KCNH8: variants seen among roughly 807,000 people sequenced by gnomAD.
The protein encoded by KCNH8 is potassium voltage-gated channel subfamily H member 8.
KCNH8 carries 70 observed loss-of-function variants against 103.6 expected under a neutral mutation model. The observed-to-expected ratio is 0.68, with a 90% CI of 0.56 to 0.82. KCNH8 has a LOEUF of 0.82. Among genes scored for constraint, KCNH8 ranks in the 40% least tolerant of loss-of-function variants. The pLI, the probability that KCNH8 is intolerant of heterozygous loss-of-function variation, is 0.00. For synonymous variants in KCNH8, 498 were observed against 489.4 expected, an observed-to-expected ratio of 1.02 and a Z score of -0.23; for missense variants, 1,217 against 1,329.9, an observed-to-expected ratio of 0.92 and a Z score of 1.32.
chr3:19,410,084 G>C (rs541169476), intron 7 of KCNH8, among the ~76,000 whole-genome samples: 39 of 151,968 alleles, frequency 2.6e-4, no homozygotes, highest in African/African-American at 8.7e-4. Flanking sequence ...TTCTCATCTG[G>C]ACATCTGGAC....
At chr3:19,392,526 A>C (rs2125132176) in intron 6 of KCNH8, among the ~76,000 whole-genome samples, 1 of 152,040 alleles carries the variant, frequency 6.6e-6, no homozygotes, top group Middle Eastern at 3.4e-3. Context: ...TCTCAGGAAA[A>C]CATAAGTTAT....
intron 5 of KCNH8, among the ~76,000 whole-genome samples, chr3:19,358,184 CCT>C (rs1168061708): frequency 2.0e-4 from 30 of 150,916 alleles, no homozygotes; most frequent in African/African-American, 6.8e-4. Context: ...TTCCTTCCTT[CCT>C]TCCTTCCTTC....
At chr3:19,258,947 C>CTCTCTCTATATATATA (rs1321918245) in intron 2 of KCNH8, among the ~76,000 whole-genome samples, 7 of 24,796 alleles carry the variant, frequency 2.8e-4, no homozygotes, top group East Asian at 1.0e-3. Context: ...CTCTCTCTCT[C>CTCTCTCTATATATATA]TATATATATA....
At chr3:19,419,874 A>T (rs545918307) in intron 7 of KCNH8, among the ~76,000 whole-genome samples, 3 of 152,238 alleles carry the variant, frequency 2.0e-5, no homozygotes, top group African/African-American at 7.2e-5. Flanking sequence ...GTAGCTTTCA[A>T]CATCTCTAAA....
rs531919821 is a variant in KCNH8 at position 19,459,298 on chromosome 3, G to A, written c.2040+2316G>A. Among the ~76,000 whole-genome samples the A allele has an allele frequency of 1.5e-4, 23 of 151,626 alleles. 1 individual carries two copies. The South Asian group carries it at 2.9e-3, about 19-fold the overall frequency. On this transcript the variant is annotated intron_variant, in intron 11 of 15. Transcript: ENST00000328405. ...TTTTTTTAAAATAGCCCTTCTAATA[G>A]GTGTGGTTTTAATTTGCATTTTCCT...
chr3:19,233,224 T>C (rs1575455327), intron 1 of KCNH8, among the ~76,000 whole-genome samples: 1 of 152,076 alleles, frequency 6.6e-6, no homozygotes, highest in Non-Finnish European at 1.5e-5. Context: ...CAATAGTAGG[T>C]GAGGGACTTT....
chr3:19,504,940 A>G lies in KCNH8; in HGVS notation c.2041-5423A>G, dbSNP rs143404541. Among the ~76,000 whole-genome samples, 1,500 of 151,822 alleles carry G rather than the reference A, an allele frequency of 9.9e-3. 21 individuals are homozygous for G. Among genetic ancestry groups the G allele is most frequent in the African/African-American group, 0.02 (816 of 41,358 alleles). Reference sequence around the variant, plus strand: ...GGAATCAATCTACAAGCCCACTGATAATAGACTAGATAAAAGAAAATGTGA... The same window carrying G: ...GGAATCAATCTACAAGCCCACTGATGATAGACTAGATAAAAGAAAATGTGA... On this transcript the variant is annotated intron_variant, in intron 11 of 15. Coordinates refer to ENST00000328405, the MANE Select transcript of KCNH8 (RefSeq NM_144633.3).
chr3:19,172,101 A>C (rs564126859), intron 1 of KCNH8, among the ~76,000 whole-genome samples: 1 of 152,228 alleles, frequency 6.6e-6, no homozygotes, highest in Non-Finnish European at 1.5e-5. Context: ...GTTACTTCAC[A>C]GTAATGGGAA....
intron 11 of KCNH8, among the ~76,000 whole-genome samples, chr3:19,462,945 T>C (rs1356163952): frequency 6.6e-6 from 1 of 152,116 alleles, no homozygotes; most frequent in East Asian, 1.9e-4. Flanking sequence ...TTGTCAAAGA[T>C]AGATGTGTGA....
Position 19,489,754 on chromosome 3 carries a change from G to A in KCNH8, c.2041-20609G>A, listed in dbSNP as rs1364242129. Among the ~76,000 whole-genome samples the A allele has an allele frequency of 2.6e-5, 4 of 151,884 alleles. 1 individual carries two copies. The highest frequency in any genetic ancestry group is 2.0e-4 in the Admixed American group (3 of 15,254). On this transcript the variant is annotated intron_variant, in intron 11 of 15. Coordinates refer to ENST00000328405, the MANE Select transcript of KCNH8 (RefSeq NM_144633.3). ...CACAAAACAAAGAACAGGTAAAGAGGGCACACACACACTTTTACAGTTTAC... is the reference window on the plus strand; with the variant it reads ...CACAAAACAAAGAACAGGTAAAGAGAGCACACACACACTTTTACAGTTTAC...
rs2063204666 is a variant in KCNH8, at chr3:19,158,704, A to G, written c.76+9909A>G. Among the ~76,000 whole-genome samples, 7 of 151,990 alleles carry G rather than the reference A, an allele frequency of 4.6e-5. No homozygotes were observed. The South Asian group carries it at 1.4e-3, about 31-fold the overall frequency. Reference sequence around the variant, plus strand: ...TCACTGTTTTGCTTTTTCTAATTCAATCATGTTTGTTTACTTGAAGGAAAT... The same window carrying G: ...TCACTGTTTTGCTTTTTCTAATTCAGTCATGTTTGTTTACTTGAAGGAAAT... On this transcript the variant is annotated intron_variant, in intron 1 of 15. Transcript: ENST00000328405.
intron 12 of KCNH8, among the ~76,000 whole-genome samples, chr3:19,512,360 A>G (rs1236097448): frequency 1.3e-5 from 2 of 152,156 alleles, no homozygotes; most frequent in Non-Finnish European, 2.9e-5. Context: ...AAGGCTTTTC[A>G]AAGGAAGCAG....
chr3:19,149,502 C>T (rs1362853534), intron 1 of KCNH8, among the ~76,000 whole-genome samples: 1 of 150,858 alleles, frequency 6.6e-6, no homozygotes, highest in East Asian at 1.9e-4. Context: ...ATTTAAGCTA[C>T]AGTAGGAAAA....
chr3:19,492,819 G>A lies in KCNH8; in HGVS notation c.2041-17544G>A, dbSNP rs559029637. Among the ~76,000 whole-genome samples, 6 of 145,412 alleles carry A rather than the reference G, an allele frequency of 4.1e-5. No individual in the cohort carries two copies. In the East Asian group the frequency reaches 1.2e-3, roughly 30 times the overall value. ...CTGATTCTTCTAGTCCTTGAGCATG[G>A]AATGTTTTTTCGTGTGTGTGTGTGT... On this transcript the variant is annotated intron_variant, in intron 11 of 15. Transcript: ENST00000328405.
At chr3:19,242,443 A>G (rs1202693229) in intron 1 of KCNH8, among the ~76,000 whole-genome samples, 2 of 152,180 alleles carry the variant, frequency 1.3e-5, no homozygotes, top group Non-Finnish European at 2.9e-5. Flanking sequence ...ATTGACCTTT[A>G]TGATCCTCTC....
intron 2 of KCNH8, among the ~76,000 whole-genome samples, chr3:19,276,602 T>G (rs965205579): frequency 1.3e-5 from 2 of 152,104 alleles, no homozygotes; most frequent in African/African-American, 4.8e-5. Flanking sequence ...ACAACTCAGT[T>G]TTCCTTATAC....
intron 11 of KCNH8, among the ~76,000 whole-genome samples, chr3:19,482,766 A>G (rs1401196873): frequency 6.6e-6 from 1 of 152,192 alleles, no homozygotes; most frequent in Non-Finnish European, 1.5e-5. Context: ...GTAGACAGCA[A>G]TTAGTAAGGT....
intron 1 of KCNH8, among the ~76,000 whole-genome samples, chr3:19,244,432 T>TTTGTTG (rs891640760): frequency 3.3e-5 from 5 of 152,082 alleles, no homozygotes; most frequent in Admixed American, 2.6e-4. Flanking sequence ...GTTTTTGTTT[T>TTTGTTG]TTGTTGTTGT....
rs968930819 is a variant in KCNH8 at position 19,499,621 on chromosome 3, G to A, written c.2041-10742G>A. On this transcript the variant is annotated intron_variant, in intron 11 of 15. Coordinates refer to ENST00000328405, the MANE Select transcript of KCNH8 (RefSeq NM_144633.3). ...GAAACTCTACAGGCCAGAAGAGAGT[G>A]GGGGCCAATATTCAACATTCTTAAG... Among the ~76,000 whole-genome samples, 4 of 152,140 alleles carry A rather than the reference G, an allele frequency of 2.6e-5. No homozygotes were observed. In the East Asian group the frequency reaches 5.8e-4, roughly 22 times the overall value.
Sources: allele counts gnomAD v4.1 joint callset (sites outside exome capture counted in the v4.1 genomes callset), GRCh38; gene constraint gnomAD v4.1.1; transcripts MANE v1.5; gene names NCBI Gene and HGNC (gene_info 2026-07-23, HGNC 2026-07-21).